PPARGC1A: variants seen among roughly 807,000 people sequenced by gnomAD.
PPARGC1A encodes the protein peroxisome proliferator-activated receptor gamma coactivator 1-alpha.
In PPARGC1A, 25 loss-of-function variants were observed where a neutral mutation model predicts 88.7. That is an observed-to-expected ratio of 0.28 (90% CI 0.21 to 0.39). PPARGC1A has a LOEUF of 0.39. Among genes scored for constraint, PPARGC1A ranks in the 10% least tolerant of loss-of-function variants. PPARGC1A has a pLI of 1.00. For synonymous variants in PPARGC1A, 363 were observed against 355.6 expected (o/e 1.02, Z -0.24); for missense variants, 880 against 968.7 (o/e 0.91, Z 1.22).
the PPARGC1A span, among the ~76,000 whole-genome samples, chr4:23,947,352 GATATATATATATATAT>G: frequency 4.2e-3 from 318 of 75,842 alleles, 4 homozygotes; most frequent in African/African-American, 0.018. Flanking sequence ...GTTATATAGT[GATATATATATATATAT>G]ATATATATAT....
chr4:24,375,744 T>C, the PPARGC1A span, among the ~76,000 whole-genome samples: 1 of 152,046 alleles, frequency 6.6e-6, no homozygotes, highest in Non-Finnish European at 1.5e-5. Flanking sequence ...AAAATGGAGA[T>C]AGCCCACTTT....
the PPARGC1A span, among the ~76,000 whole-genome samples, chr4:24,221,970 AAG>A: frequency 2.6e-5 from 4 of 152,182 alleles, no homozygotes; most frequent in Non-Finnish European, 5.9e-5. Flanking sequence ...TAATTTTAGC[AAG>A]TCCCAGTGTT....
At chr4:23,965,730 C>T in the PPARGC1A span, among the ~76,000 whole-genome samples, 2 of 152,244 alleles carry the variant, frequency 1.3e-5, no homozygotes, top group African/African-American at 2.4e-5. Flanking sequence ...TGGGCCCTTC[C>T]GAACCCAGGG....
the PPARGC1A span, among the ~76,000 whole-genome samples, chr4:24,290,808 C>T: frequency 6.6e-6 from 1 of 152,154 alleles, no homozygotes; most frequent in Non-Finnish European, 1.5e-5. Flanking sequence ...TCACTTCTGA[C>T]TCGATTTGGT....
the PPARGC1A span, among the ~76,000 whole-genome samples, chr4:24,431,807 T>C: frequency 6.6e-6 from 1 of 152,102 alleles, no homozygotes; most frequent in African/African-American, 2.4e-5. Flanking sequence ...TAAATATTTA[T>C]TGAGTAAGTG....
chr4:23,916,541 G>A, the PPARGC1A span, among the ~76,000 whole-genome samples: 2 of 151,978 alleles, frequency 1.3e-5, no homozygotes, highest in African/African-American at 2.4e-5. Flanking sequence ...AGATGCACAC[G>A]ATATACTGCT....
At chr4:24,425,137 GCAA>G in the PPARGC1A span, among the ~76,000 whole-genome samples, 1 of 152,102 alleles carries the variant, frequency 6.6e-6, no homozygotes, top group Non-Finnish European at 1.5e-5. Flanking sequence ...CTCCAGTTTG[GCAA>G]AGAATCACAT....
chr4:24,326,191 A>G, the PPARGC1A span, among the ~76,000 whole-genome samples: 1 of 152,134 alleles, frequency 6.6e-6, no homozygotes, highest in Non-Finnish European at 1.5e-5. Context: ...ACCCCGCTGA[A>G]TGCCAATATC....
chr4:24,116,176 A>G, the PPARGC1A span, among the ~76,000 whole-genome samples: 5 of 152,086 alleles, frequency 3.3e-5, no homozygotes, highest in African/African-American at 1.2e-4. Flanking sequence ...ATTTTTGTTT[A>G]TTTTATCTTG....
chr4:24,100,192 G>C, the PPARGC1A span, among the ~76,000 whole-genome samples: 416 of 152,196 alleles, frequency 2.7e-3, 5 homozygotes, highest in East Asian at 0.051. Flanking sequence ...TTTTAACAAG[G>C]CTGATTCATT....
intron 2 of PPARGC1A, among the ~76,000 whole-genome samples, chr4:23,844,137 A>G (rs551353317): frequency 6.6e-6 from 1 of 150,608 alleles, no homozygotes; most frequent in African/African-American, 2.4e-5. Context: ...TAGATTTTAT[A>G]TTTATACATC....
At chr4:24,017,540 G>C in the PPARGC1A span, among the ~76,000 whole-genome samples, 1 of 152,034 alleles carries the variant, frequency 6.6e-6, no homozygotes, top group Non-Finnish European at 1.5e-5. Flanking sequence ...TACAGAGAGA[G>C]GGAAAGAGAG....
At chr4:24,076,975 A>C in the PPARGC1A span, among the ~76,000 whole-genome samples, 1 of 152,088 alleles carries the variant, frequency 6.6e-6, no homozygotes, top group Non-Finnish European at 1.5e-5. Flanking sequence ...CCCTGAAGTT[A>C]ATAATTGTCT....
chr4:24,074,995 G>A, the PPARGC1A span, among the ~76,000 whole-genome samples: 1 of 152,108 alleles, frequency 6.6e-6, no homozygotes, highest in African/African-American at 2.4e-5. Context: ...TGAGCCCTAA[G>A]CATCTCCAGC....
At chr4:24,171,311 C>T in the PPARGC1A span, among the ~76,000 whole-genome samples, 1 of 151,944 alleles carries the variant, frequency 6.6e-6, no homozygotes, top group Non-Finnish European at 1.5e-5. Context: ...GAGGTTGAGG[C>T]AGGAGAATCC....
chr4:24,438,953 A>G, the PPARGC1A span, among the ~76,000 whole-genome samples: 2 of 152,148 alleles, frequency 1.3e-5, no homozygotes, highest in East Asian at 3.9e-4. Context: ...GGAATCTATT[A>G]TATAATTTAT....
At chr4:23,914,366 G>A in the PPARGC1A span, among the ~76,000 whole-genome samples, 1 of 152,000 alleles carries the variant, frequency 6.6e-6, no homozygotes, top group Non-Finnish European at 1.5e-5. Context: ...TTGATTACTT[G>A]CCCTCTAAAA....
the PPARGC1A span, among the ~76,000 whole-genome samples, chr4:23,989,395 T>C: frequency 6.6e-6 from 1 of 152,028 alleles, no homozygotes; most frequent in Non-Finnish European, 1.5e-5. Context: ...CATGATGCAT[T>C]TGAGCTTTAC....
chr4:24,130,850 C>T, the PPARGC1A span, among the ~76,000 whole-genome samples: 1 of 152,146 alleles, frequency 6.6e-6, no homozygotes, highest in Non-Finnish European at 1.5e-5. Flanking sequence ...GAGTACCAGC[C>T]CCACCCTCCA....
Sources: allele counts gnomAD v4.1 joint callset (sites outside exome capture counted in the v4.1 genomes callset), GRCh38; gene constraint gnomAD v4.1.1; transcripts MANE v1.5; gene names NCBI Gene and HGNC (gene_info 2026-07-23, HGNC 2026-07-21).